Variants in ARHGEF1 observed in about 807,000 individuals in gnomAD.
ARHGEF1 encodes 115 kDa guanine nucleotide exchange factor.
Under a neutral mutation model 119.7 loss-of-function variants are expected in ARHGEF1, and 40 were observed. The ratio of observed to expected loss-of-function variants is 0.33; its 90% CI spans 0.26 to 0.44. The LOEUF (loss-of-function observed/expected upper bound fraction) is 0.44. Among genes scored for constraint, ARHGEF1 ranks in the 20% least tolerant of loss-of-function variants. The pLI is 1.00. For missense variants in ARHGEF1, 976 were observed against 1,268.3 expected (o/e 0.77, Z 3.50); for synonymous variants, 494 against 521.0 (o/e 0.95, Z 0.71).
intron 8 of ARHGEF1, 150 bp from the exon 9 acceptor site, chr19:41,894,057 C>T (rs1446243197): frequency 2.1e-6 from 1 of 485,038 alleles, no homozygotes; most frequent in East Asian, 3.4e-5. Flanking sequence ...CTCAGAGTCT[C>T]ACAGGAAGTA....
chr19:41,914,525 C>A (rs1477794318), intron 18 of ARHGEF1, among the ~76,000 whole-genome samples: 1 of 151,600 alleles, frequency 6.6e-6, no homozygotes, highest in African/African-American at 2.4e-5. Context: ...ATGACTTTCT[C>A]CCCATCTCTG....
In ARHGEF1 at chr19:41,903,821, C is replaced by G; in HGVS notation, c.1917+37C>G. 2 of 1,601,862 alleles carry G rather than the reference C, an allele frequency of 1.2e-6. No individual in the cohort carries two copies. Among genetic ancestry groups the G allele is most frequent in the Non-Finnish European group, 1.7e-6 (2 of 1,170,606 alleles). ...CCCTCCTGCCTCCCCCGCCCCCCTA[C>G]TCCTTGGCCCAGGGGATTCTGTGAT... On this transcript the variant is annotated intron_variant, in intron 20 of 28. Coordinates refer to ENST00000354532, the MANE Select transcript of ARHGEF1 (RefSeq NM_004706.4). This position sits in a 1 kb window ranked among gnomAD's most constrained non-coding sequence, Gnocchi z 4.2.
Position 41,904,503 on chromosome 19 carries a change from G to A in ARHGEF1, c.2161+120G>A. The A allele has an allele frequency of 7.9e-7, 1 of 1,267,302 alleles. No individual in the cohort carries two copies. The highest frequency in any genetic ancestry group is 2.7e-4 in the Middle Eastern group (1 of 3,654). The allele number at this position is 1,267,302 out of a possible 1,614,324, so 78.5% of individuals were successfully genotyped here. A position where few individuals can be genotyped will look rare whatever the true frequency, so the allele number is the denominator to read the frequency against. On this transcript the variant is annotated intron_variant, in intron 22 of 28. Transcript: ENST00000354532. This position sits in a 1 kb window ranked among gnomAD's most constrained non-coding sequence, Gnocchi z 8.4. The stretch of plus-strand genomic sequence containing the variant: ...GAGCCAGCATTCTAGCAAAGAGGTT[G>A]AGAAGTAGGTGGAGGTGGGCAGGGC...
At chr19:41,885,414 G>T (rs1010210305) in intron 1 of ARHGEF1, among the ~76,000 whole-genome samples, 8 of 152,138 alleles carry the variant, frequency 5.3e-5, no homozygotes, top group Non-Finnish European at 1.0e-4. Flanking sequence ...TAGGGTGGGG[G>T]CTCCCCATGC....
In ARHGEF1 at chr19:41,892,808, G is replaced by A; in HGVS notation, c.573G>A (p.Arg191=). ...RDRASYEARE[R]HVAERLLMHL... Reference sequence around the variant, plus strand: ...GAGCCAGCTACGAGGCCCGGGAGCGGCACGTGGCGGAGCGGCTGCTCATGC... The same window carrying A: ...GAGCCAGCTACGAGGCCCGGGAGCGACACGTGGCGGAGCGGCTGCTCATGC... The change falls in exon 7 of 29, where the codon CGG becomes CGA. Residue 191 remains arginine, a synonymous_variant. Transcript: ENST00000354532. The surrounding 1 kb of genome is among the most constrained non-coding windows in gnomAD (Gnocchi z 6.3). 1 of 1,588,548 alleles carries A rather than the reference G, an allele frequency of 6.3e-7. No homozygotes were observed. Among genetic ancestry groups the A allele is most frequent in the South Asian group, 1.1e-5 (1 of 90,066 alleles).
At chr19:41,915,437 GCCTC>G (rs150253187) in intron 18 of ARHGEF1, among the ~76,000 whole-genome samples, 2 of 151,744 alleles carry the variant, frequency 1.3e-5, no homozygotes, top group Non-Finnish European at 1.5e-5. Context: ...GGGTCTCCAT[GCCTC>G]CCTGTCTCTT....
Position 41,906,604 on chromosome 19 carries a change from C to T in ARHGEF1, c.2639C>T (p.Thr880Ile). Residue 880 changes from threonine (T) to isoleucine (I), a missense_variant, in exon 27 of 29, where the codon ACC becomes ATC. Physicochemically the swap from Thr to Ile is moderately conservative, Grantham distance 89 (BLOSUM62 -1). This residue lies in a region of ARHGEF1 where 171 missense variants were observed against 180.6 expected (regional missense o/e 0.95). Transcript: ENST00000354532. The surrounding 1 kb of genome is among the most constrained non-coding windows in gnomAD (Gnocchi z 4.5). Reference protein sequence around the residue: ...IQENLLSLEETMKQLEELEEE... With the variant: ...IQENLLSLEEIMKQLEELEEE... ...GAGAACCTGCTCAGCTTGGAGGAGA[C>T]CATGAAGCAGCTGGAGGTGGGGCGG... is the stretch of plus-strand genomic sequence containing the variant. The T allele has an allele frequency of 6.2e-7, 1 of 1,606,246 alleles. No homozygotes were observed. The highest frequency in any genetic ancestry group is 1.7e-5 in the Admixed American group (1 of 57,552).
In ARHGEF1 at chr19:41,905,481, G is replaced by A. The variant is rs1226339837; in HGVS notation, c.2336+220G>A. On this transcript the variant is annotated intron_variant, in intron 24 of 28. Coordinates refer to ENST00000354532, the MANE Select transcript of ARHGEF1 (RefSeq NM_004706.4). This position sits in a 1 kb window ranked among gnomAD's most constrained non-coding sequence, Gnocchi z 6.4. ...GCGTGTGCATGTGTGTGCGTGTATGGTGTGTGTGTATGCATATGTGTGCAT... is the reference window on the plus strand; with the variant it reads ...GCGTGTGCATGTGTGTGCGTGTATGATGTGTGTGTATGCATATGTGTGCAT... 10 of 600,096 alleles carry A rather than the reference G, an allele frequency of 1.7e-5. No homozygotes were observed. The East Asian group carries it at 2.5e-4, about 15-fold the overall frequency. 37.2% of individuals were successfully genotyped at this position (600,096 alleles called of 1,614,324 possible). A position where few individuals can be genotyped will look rare whatever the true frequency, so the allele number is the denominator to read the frequency against.
At position 41,902,516 on chromosome 19, in the gene ARHGEF1, C is replaced by T. The variant is rs200439968; in HGVS notation, c.1498-17C>T. 30 of 1,613,828 alleles carry T rather than the reference C, an allele frequency of 1.9e-5. No homozygotes were observed. In the African/African-American group the frequency reaches 3.1e-4, roughly 17 times the overall value. Reference sequence around the variant, plus strand: ...CATCCCCACTGAGACACCTGCCTGGCCTGAATCTCGCTGTAGTTTGATGGT... The same window carrying T: ...CATCCCCACTGAGACACCTGCCTGGTCTGAATCTCGCTGTAGTTTGATGGT... On this transcript the variant is annotated splice_polypyrimidine_tract_variant and intron_variant, in intron 16 of 28. Transcript: ENST00000354532. The surrounding 1 kb of genome is among the most constrained non-coding windows in gnomAD (Gnocchi z 6.5).
At chr19:41,884,312 G>A in intron 1 of ARHGEF1, 1 of 1,132,254 alleles carries the variant, frequency 8.8e-7, no homozygotes, top group Non-Finnish European at 1.3e-6. Flanking sequence ...GAGTAGAGTC[G>A]TCGGGGCCGG....
At position 41,892,052 on chromosome 19, in the gene ARHGEF1, G is replaced by A; in HGVS notation, c.253G>A (p.Gly85Ser). ...TTGCTGTCTGCATGCCGACATGCTG[G>A]GCTCACTGGGCCCCAAGGAGGCCAA... is the stretch of plus-strand genomic sequence containing the variant. ...LLCCLHADML[G>S]SLGPKEAKKA... The change falls in exon 5 of 29, where the codon GGC (glycine) becomes AGC (serine). Residue 85 changes from glycine to serine, a missense_variant. Coordinates refer to ENST00000354532, the MANE Select transcript of ARHGEF1 (RefSeq NM_004706.4). This position sits in a 1 kb window ranked among gnomAD's most constrained non-coding sequence, Gnocchi z 6.3. 6.2e-7 allele frequency: 1 copy of A among 1,612,270 alleles called. No homozygotes were observed. The highest frequency in any genetic ancestry group is 2.2e-5 in the East Asian group (1 of 44,828).
chr19:41,903,459 G>T lies in ARHGEF1; in HGVS notation c.1839+52G>T, dbSNP rs1397562138. Reference sequence around the variant, plus strand: ...GGACAGTGGATGGTGTGAGAGCAGGGGGTGGACCCTACCTCAGCCTGTCCA... The same window carrying T: ...GGACAGTGGATGGTGTGAGAGCAGGTGGTGGACCCTACCTCAGCCTGTCCA... On this transcript the variant is annotated intron_variant, in intron 19 of 28. Coordinates refer to ENST00000354532, the MANE Select transcript of ARHGEF1 (RefSeq NM_004706.4). The surrounding 1 kb of genome is among the most constrained non-coding windows in gnomAD (Gnocchi z 4.2). 1.9e-6 allele frequency: 3 copies of T among 1,552,774 alleles called. No homozygotes were observed. The highest frequency in any genetic ancestry group is 2.7e-6 in the Non-Finnish European group (3 of 1,128,246).
chr19:41,918,725 A>T (rs374128195), upstream of ARHGEF1, among the ~76,000 whole-genome samples: 3,020 of 148,930 alleles, frequency 0.02, 103 homozygotes, highest in African/African-American at 0.07. Context: ...CCACGTACAC[A>T]CCACACACCA....
intron 18 of ARHGEF1, among the ~76,000 whole-genome samples, chr19:41,913,870 C>T (rs545603612): frequency 9.3e-5 from 14 of 151,216 alleles, no homozygotes; most frequent in South Asian, 4.2e-4. Context: ...CTCGCGCTCC[C>T]GAGACCCCTC....
In ARHGEF1 at chr19:41,902,270, A is replaced by T; in HGVS notation, c.1415-4A>T. 6.2e-7 allele frequency: 1 copy of T among 1,614,002 alleles called. No individual in the cohort carries two copies. Among genetic ancestry groups the T allele is most frequent in the Non-Finnish European group, 8.5e-7 (1 of 1,179,978 alleles). On this transcript the variant is annotated splice_region_variant and splice_polypyrimidine_tract_variant and intron_variant, in intron 15 of 28. Coordinates refer to ENST00000354532, the MANE Select transcript of ARHGEF1 (RefSeq NM_004706.4). The surrounding 1 kb of genome is among the most constrained non-coding windows in gnomAD (Gnocchi z 6.5). ...GGAGCATCCCTTTCCTCCTGCCCCC[A>T]CAGCCCTGTTCCTCGATCGCCTGAT...
At chr19:41,896,635 TCTTCTTTCCTTTTCTCATCTCCCTC>T (rs1400733113) in intron 13 of ARHGEF1, 153 bp downstream of exon 13, 1 of 718,220 alleles carries the variant, frequency 1.4e-6, no homozygotes, top group Non-Finnish European at 2.5e-6. Context: ...TCCTCTCCCT[TCTTCTTTCCTTTTCTCATCTCCCTC>T]CTGCTTCCTC....
At chr19:41,922,210 A>G (rs1555852548), upstream of ARHGEF1, among the ~76,000 whole-genome samples, 1 of 152,144 alleles carries the variant, frequency 6.6e-6, no homozygotes, top group African/African-American at 2.4e-5. Flanking sequence ...AGGCATCCCG[A>G]CAGAGCCCGG....
rs782340079 is a variant in ARHGEF1, at chr19:41,903,796, C to A, written c.1917+12C>A. 1 of 1,612,314 alleles carries A rather than the reference C, an allele frequency of 6.2e-7. No homozygotes were observed. Among genetic ancestry groups the A allele is most frequent in the Non-Finnish European group, 8.5e-7 (1 of 1,179,704 alleles). ...TGAGCGAGTTCAAGGTGTGACCATA[C>A]CCTCCTGCCTCCCCCGCCCCCCTAC... is the stretch of plus-strand genomic sequence containing the variant. On this transcript the variant is annotated intron_variant, in intron 20 of 28. Transcript: ENST00000354532. The surrounding 1 kb of genome is among the most constrained non-coding windows in gnomAD (Gnocchi z 4.2).
chr19:41,901,834 G>A, intron 14 of ARHGEF1, 53 bp from the exon 15 acceptor site: 1 of 1,582,738 alleles, frequency 6.3e-7, no homozygotes, highest in Non-Finnish European at 8.6e-7. Flanking sequence ...ATGAGGTCAT[G>A]CCCCCTAGTC....
Sources: gnomAD v4.1 joint callset for allele counts (sites outside exome capture counted in the v4.1 genomes callset) on GRCh38, gnomAD v4.1.1 for gene constraint, gnomAD v4.1.1 regional missense constraint, Gnocchi (gnomAD v3.1) non-coding constraint, MANE v1.5 for transcripts, NCBI Gene and HGNC (gene_info 2026-07-23, HGNC 2026-07-21) for gene names.